Variants in SCHIP1 observed in about 807,000 individuals in gnomAD.
SCHIP1 encodes schwannomin-interacting protein 1.
Under a neutral mutation model 29.7 loss-of-function variants are expected in SCHIP1, and 8 were observed. The observed-to-expected ratio is 0.27, with a 90% CI of 0.16 to 0.49. The LOEUF is 0.49. Among genes scored for constraint, SCHIP1 ranks in the 20% least tolerant of loss-of-function variants. The pLI, the probability that SCHIP1 is intolerant of heterozygous loss-of-function variation, is 0.99. For missense variants in SCHIP1, 193 were observed against 294.6 expected (o/e 0.66, Z 2.52); for synonymous variants, 76 against 94.9 (o/e 0.80, Z 1.16).
At chr3:159,755,000 C>A in the SCHIP1 span, among the ~76,000 whole-genome samples, 1 of 152,154 alleles carries the variant, frequency 6.6e-6, no homozygotes, top group Non-Finnish European at 1.5e-5. Flanking sequence ...CTTTGGGAGG[C>A]CTGAGTGGGT....
the SCHIP1 span, among the ~76,000 whole-genome samples, chr3:159,563,648 G>A: frequency 6.6e-6 from 1 of 152,220 alleles, no homozygotes; most frequent in Admixed American, 6.5e-5. Flanking sequence ...GAGCAGCATA[G>A]TTAAAACCTG....
the SCHIP1 span, among the ~76,000 whole-genome samples, chr3:159,294,487 G>A: frequency 2.0e-5 from 3 of 152,218 alleles, no homozygotes; most frequent in African/African-American, 7.2e-5. Context: ...CCCACCTTTT[G>A]GCTGAGATTT....
the SCHIP1 span, among the ~76,000 whole-genome samples, chr3:159,816,094 G>A: frequency 6.6e-5 from 10 of 152,110 alleles, no homozygotes; most frequent in East Asian, 1.4e-3. Context: ...GATTACAGGT[G>A]CATGCCACCA....
chr3:159,639,804 C>T, the SCHIP1 span, among the ~76,000 whole-genome samples: 1 of 152,164 alleles, frequency 6.6e-6, no homozygotes, highest in African/African-American at 2.4e-5. Context: ...CAGAGTTCAT[C>T]ATTAATTATG....
chr3:159,680,687 G>GTATATATAA, the SCHIP1 span, among the ~76,000 whole-genome samples: 69 of 47,284 alleles, frequency 1.5e-3, no homozygotes, highest in African/African-American at 9.0e-3. Flanking sequence ...TATAATATAT[G>GTATATATAA]TATATATATA....
the SCHIP1 span, among the ~76,000 whole-genome samples, chr3:159,507,530 T>G: frequency 1.3e-5 from 2 of 152,206 alleles, no homozygotes; most frequent in Non-Finnish European, 2.9e-5. Flanking sequence ...AGAGAGGGCA[T>G]CCCTGTCTTG....
the SCHIP1 span, among the ~76,000 whole-genome samples, chr3:159,684,850 C>T: frequency 1.3e-4 from 19 of 146,192 alleles, no homozygotes; most frequent in Non-Finnish European, 1.8e-4. Context: ...AAAAAAAAAG[C>T]ATCCTCTCTC....
chr3:159,694,349 G>T, the SCHIP1 span, among the ~76,000 whole-genome samples: 1 of 151,780 alleles, frequency 6.6e-6, no homozygotes, highest in African/African-American at 2.4e-5. Flanking sequence ...GTGAAACCCC[G>T]TCTCTACCAA....
At chr3:159,860,350 T>C (rs1713911761) in intron 1 of SCHIP1, among the ~76,000 whole-genome samples, 1 of 152,120 alleles carries the variant, frequency 6.6e-6, no homozygotes, top group South Asian at 2.1e-4. Flanking sequence ...CTGCAAAACC[T>C]CTAACCTTTT....
At chr3:159,889,710 G>C (rs190621081) in intron 5 of SCHIP1, among the ~76,000 whole-genome samples, 1 of 152,226 alleles carries the variant, frequency 6.6e-6, no homozygotes. Context: ...GCATTTATGA[G>C]CCAAACAGGG....
At chr3:159,828,463 G>GTA in the SCHIP1 span, among the ~76,000 whole-genome samples, 3 of 125,088 alleles carry the variant, frequency 2.4e-5, no homozygotes, top group African/African-American at 9.9e-5. Flanking sequence ...GTATATATAT[G>GTA]TATATATACA....
the SCHIP1 span, among the ~76,000 whole-genome samples, chr3:159,496,146 A>G: frequency 1.3e-5 from 2 of 152,244 alleles, no homozygotes; most frequent in Non-Finnish European, 2.9e-5. Context: ...AAAACCATAA[A>G]AACCCTAGAT....
At chr3:159,411,493 TTGAG>T in the SCHIP1 span, among the ~76,000 whole-genome samples, 1 of 152,168 alleles carries the variant, frequency 6.6e-6, no homozygotes, top group Non-Finnish European at 1.5e-5. Flanking sequence ...CACATATGTG[TTGAG>T]TATCAATTGG....
the SCHIP1 span, among the ~76,000 whole-genome samples, chr3:159,597,347 G>A: frequency 6.6e-6 from 1 of 152,046 alleles, no homozygotes; most frequent in Non-Finnish European, 1.5e-5. Flanking sequence ...GTTAAGTATA[G>A]TCACCCTACT....
At chr3:159,614,002 G>A in the SCHIP1 span, among the ~76,000 whole-genome samples, 20 of 152,220 alleles carry the variant, frequency 1.3e-4, no homozygotes, top group African/African-American at 4.1e-4. Context: ...AAGCGCATAC[G>A]TATTTAACCT....
At chr3:159,485,723 ACCTCCAT>A in the SCHIP1 span, among the ~76,000 whole-genome samples, 1 of 152,224 alleles carries the variant, frequency 6.6e-6, no homozygotes, top group African/African-American at 2.4e-5. Context: ...GCAGCATAAT[ACCTCCAT>A]TGCAGAGTTA....
intron 2 of SCHIP1, among the ~76,000 whole-genome samples, chr3:159,872,589 T>C (rs1379597526): frequency 6.6e-6 from 1 of 152,172 alleles, no homozygotes; most frequent in Non-Finnish European, 1.5e-5. Context: ...ATAAGGAAGA[T>C]TATTTATATC....
the SCHIP1 span, among the ~76,000 whole-genome samples, chr3:159,436,978 C>A: frequency 6.6e-6 from 1 of 152,024 alleles, no homozygotes. Context: ...AATTCTTAGC[C>A]TTGAATTATA....
the SCHIP1 span, among the ~76,000 whole-genome samples, chr3:159,592,554 C>G: frequency 6.2e-4 from 94 of 151,986 alleles, 4 homozygotes; most frequent in South Asian, 0.019. Flanking sequence ...CTTCCTGCCA[C>G]CTTGTCTTTG....
Sources: allele counts gnomAD v4.1 joint callset (sites outside exome capture counted in the v4.1 genomes callset), GRCh38; gene constraint gnomAD v4.1.1; transcripts MANE v1.5; gene names NCBI Gene and HGNC (gene_info 2026-07-23, HGNC 2026-07-21).